ATXN1: variants seen among roughly 807,000 people sequenced by gnomAD.
The protein encoded by ATXN1 is ataxin 1, also known as ataxin-1.
Under a neutral mutation model 56.4 loss-of-function variants are expected in ATXN1, and 8 were observed. The ratio of observed to expected loss-of-function variants is 0.14; its 90% CI spans 0.08 to 0.26. ATXN1 has a LOEUF of 0.26. Among genes scored for constraint, ATXN1 ranks in the 10% least tolerant of loss-of-function variants. The pLI, the probability that ATXN1 is intolerant of heterozygous loss-of-function variation, is 1.00. For missense variants in ATXN1, 987 were observed against 1,106.5 expected (o/e 0.89, Z 1.53); for synonymous variants, 514 against 494.6 (o/e 1.04, Z -0.52).
chr6:16,629,369 C>G (rs765416289), intron 3 of ATXN1, among the ~76,000 whole-genome samples: 1 of 152,142 alleles, frequency 6.6e-6, no homozygotes, highest in African/African-American at 2.4e-5. Flanking sequence ...GCTCTGTCAC[C>G]CAGGCTGGAG....
chr6:16,606,590 G>A (rs1340895395), intron 3 of ATXN1, among the ~76,000 whole-genome samples: 1 of 151,688 alleles, frequency 6.6e-6, no homozygotes, highest in Non-Finnish European at 1.5e-5. Context: ...GTCCGGTGGT[G>A]CGATCTCGGC....
chr6:16,686,801 C>T (rs1203709113), intron 2 of ATXN1, among the ~76,000 whole-genome samples: 2 of 152,116 alleles, frequency 1.3e-5, no homozygotes, highest in African/African-American at 4.8e-5. Flanking sequence ...ATCAAATAAA[C>T]AAGAAATATT....
At chr6:16,697,405 A>G (rs1759186825) in intron 2 of ATXN1, among the ~76,000 whole-genome samples, 1 of 151,942 alleles carries the variant, frequency 6.6e-6, no homozygotes, top group Admixed American at 6.6e-5. Context: ...AGGAGACGCC[A>G]TTTAGAATAT....
intron 6 of ATXN1, among the ~76,000 whole-genome samples, chr6:16,464,742 A>T: frequency 8.6e-6 from 1 of 116,480 alleles, no homozygotes; most frequent in African/African-American, 3.0e-5. Flanking sequence ...AGCTACAGGG[A>T]TAGTAAAAAA....
chr6:16,706,788 C>T (rs1759418255), intron 2 of ATXN1, among the ~76,000 whole-genome samples: 1 of 151,544 alleles, frequency 6.6e-6, no homozygotes, highest in Non-Finnish European at 1.5e-5. Context: ...TTATTCAGGG[C>T]TAAATAAACC....
chr6:16,643,077 C>CGGG (rs1475401410), intron 3 of ATXN1, among the ~76,000 whole-genome samples: 1 of 152,042 alleles, frequency 6.6e-6, no homozygotes, highest in African/African-American at 2.4e-5. Flanking sequence ...CGAGACCAGC[C>CGGG]TCACCAATAT....
intron 6 of ATXN1, among the ~76,000 whole-genome samples, chr6:16,399,093 A>T (rs1758513647): frequency 6.6e-6 from 1 of 152,206 alleles, no homozygotes; most frequent in Admixed American, 6.5e-5. Flanking sequence ...ACAAAGGCAA[A>T]AACTAAACCC....
chr6:16,412,024 A>G (rs1758810264), intron 6 of ATXN1, among the ~76,000 whole-genome samples: 1 of 152,204 alleles, frequency 6.6e-6, no homozygotes, highest in Non-Finnish European at 1.5e-5. Flanking sequence ...AGACATGACC[A>G]AGTGCATGAA....
intron 4 of ATXN1, among the ~76,000 whole-genome samples, chr6:16,555,129 C>T (rs1389945898): frequency 1.3e-5 from 2 of 152,112 alleles, no homozygotes; most frequent in Non-Finnish European, 2.9e-5. Flanking sequence ...CAAGAACATG[C>T]TTCCTGTTTA....
At chr6:16,543,014 G>A (rs1284147717) in intron 4 of ATXN1, among the ~76,000 whole-genome samples, 1 of 152,042 alleles carries the variant, frequency 6.6e-6, no homozygotes, top group Non-Finnish European at 1.5e-5. Context: ...GATGGGGGGT[G>A]GGGGGAACTA....
intron 4 of ATXN1, among the ~76,000 whole-genome samples, chr6:16,534,886 C>T (rs1293282622): frequency 2.0e-5 from 3 of 152,198 alleles, no homozygotes; most frequent in Non-Finnish European, 2.9e-5. Flanking sequence ...TCGCACCAGC[C>T]CTTCTGTATT....
chr6:16,547,467 C>T (rs1761835105), intron 4 of ATXN1, among the ~76,000 whole-genome samples: 3 of 152,130 alleles, frequency 2.0e-5, no homozygotes, highest in South Asian at 4.1e-4. Context: ...CAGAGAGAAG[C>T]GGTGGTGTGT....
intron 6 of ATXN1, among the ~76,000 whole-genome samples, chr6:16,339,543 C>T (rs1761197668): frequency 6.6e-6 from 1 of 152,220 alleles, no homozygotes; most frequent in African/African-American, 2.4e-5. Context: ...CTCTAAGGCA[C>T]AGCAGGCAGG....
In ATXN1 at chr6:16,326,877, C is replaced by G; in HGVS notation, c.1434G>C (p.Leu478=). ...TGCCGGGGATCACCAGGTGCTGGGG[C>G]AGGCTGCCGGCGTAGGTGATTGCTT... ...QQQAITYAGS[L]PQHLVIPGTQ... Residue 478 remains leucine (L), a synonymous_variant, in exon 7 of 8, where the codon CTG becomes CTC. Coordinates refer to ENST00000436367, the MANE Select transcript of ATXN1 (RefSeq NM_001128164.2). This position sits in a 1 kb window ranked among gnomAD's most constrained non-coding sequence, Gnocchi z 6.6. The G allele has an allele frequency of 6.2e-7, 1 of 1,610,730 alleles. No homozygotes were observed. Among genetic ancestry groups the G allele is most frequent in the Non-Finnish European group, 8.5e-7 (1 of 1,177,572 alleles).
At chr6:16,735,960 T>A (rs1760115176) in intron 2 of ATXN1, among the ~76,000 whole-genome samples, 1 of 152,196 alleles carries the variant, frequency 6.6e-6, no homozygotes, top group Non-Finnish European at 1.5e-5. Flanking sequence ...CTGCATATAG[T>A]AGGCTGAGAA....
rs891796127 is a variant in ATXN1, at chr6:16,306,653, C to T, written c.2124G>A (p.Leu708=). 2 of 1,614,244 alleles carry T rather than the reference C, an allele frequency of 1.2e-6. No homozygotes were observed. Among genetic ancestry groups the T allele is most frequent in the Non-Finnish European group, 1.7e-6 (2 of 1,180,056 alleles). ...CCAGGCCGTCGGCCTTTGAGTGCTT[C>T]AGCAGGACGCTGGCGGGATCCACGG... The part of the protein sequence containing the change: ...GQPVDPASVL[L]KHSKADGLAG... Residue 708 remains leucine (L), a synonymous_variant, in exon 8 of 8, where the codon CTG becomes CTA. Coordinates refer to ENST00000436367, the MANE Select transcript of ATXN1 (RefSeq NM_001128164.2). This position sits in a 1 kb window ranked among gnomAD's most constrained non-coding sequence, Gnocchi z 5.2.
At chr6:16,466,117 A>C (rs534274764) in intron 6 of ATXN1, among the ~76,000 whole-genome samples, 47 of 152,040 alleles carry the variant, frequency 3.1e-4, no homozygotes, top group Non-Finnish European at 5.9e-4. Context: ...GAGATCGAGA[A>C]CATCCTGGCT....
chr6:16,440,648 A>AAAAAAAAAAAGAAAGAAAG (rs748929817), intron 6 of ATXN1, among the ~76,000 whole-genome samples: 1 of 118,548 alleles, frequency 8.4e-6, no homozygotes, highest in Non-Finnish European at 1.7e-5. Context: ...CTTAAAAAAA[A>AAAAAAAAAAAGAAAGAAAG]AAAAGAAAAG....
chr6:16,527,929 G>T (rs1203454457), intron 4 of ATXN1, among the ~76,000 whole-genome samples: 1 of 152,084 alleles, frequency 6.6e-6, no homozygotes, highest in Non-Finnish European at 1.5e-5. Flanking sequence ...CAACTCTCTC[G>T]TGGTCACCGC....
Sources: gnomAD v4.1 joint callset for allele counts (sites outside exome capture counted in the v4.1 genomes callset) on GRCh38, gnomAD v4.1.1 for gene constraint, Gnocchi (gnomAD v3.1) non-coding constraint, MANE v1.5 for transcripts, NCBI Gene and HGNC (gene_info 2026-07-23, HGNC 2026-07-21) for gene names.